The following IL1RAPL1 variants were observed in gnomAD, a reference collection of about 807,000 sequenced individuals.
IL1RAPL1 encodes the protein interleukin 1 receptor accessory protein like 1.
Under a neutral mutation model 48.4 loss-of-function variants are expected in IL1RAPL1, and 3 were observed. The ratio of observed to expected loss-of-function variants is 0.06; its 90% CI spans 0.03 to 0.16. The LOEUF (loss-of-function observed/expected upper bound fraction) is 0.16, where lower values mean the gene tolerates loss of function less well. Among genes scored for constraint, IL1RAPL1 ranks in the 10% least tolerant of loss-of-function variants. The pLI, the probability that IL1RAPL1 is intolerant of heterozygous loss-of-function variation, is 1.00. For synonymous variants in IL1RAPL1, 185 were observed against 187.7 expected (o/e 0.99, Z 0.12); for missense variants, 349 against 530.6 (o/e 0.66, Z 3.36).
intron 2 of IL1RAPL1, among the ~76,000 whole-genome samples, chrX:29,209,942 T>A (rs910676218): frequency 8.9e-6 from 1 of 111,950 alleles, no homozygotes; most frequent in Admixed American, 9.6e-5. Context: ...TTTCTCTAGC[T>A]GCAGTGAAGG....
chrX:29,338,898 G>T (rs942460920), intron 3 of IL1RAPL1, among the ~76,000 whole-genome samples: 2 of 110,778 alleles, frequency 1.8e-5, no homozygotes, highest in Non-Finnish European at 3.8e-5. Flanking sequence ...TGATTTTGAT[G>T]ACATGCTTTG....
chrX:29,921,560 A>G (rs1932848403), intron 8 of IL1RAPL1, among the ~76,000 whole-genome samples: 1 of 112,262 alleles, frequency 8.9e-6, no homozygotes, highest in African/African-American at 3.2e-5. Flanking sequence ...ATAGCCAATC[A>G]AGGAAGAGAT....
At chrX:28,960,272 G>T (rs771700936) in intron 2 of IL1RAPL1, among the ~76,000 whole-genome samples, 104 of 111,282 alleles carry the variant, frequency 9.3e-4, no homozygotes, top group Non-Finnish European at 1.3e-3. Flanking sequence ...ATGACGTCAT[G>T]ATAAGTTCAA....
chrX:29,082,179 C>T (rs1236305413), intron 2 of IL1RAPL1, among the ~76,000 whole-genome samples: 1 of 111,679 alleles, frequency 9.0e-6, no homozygotes, highest in Non-Finnish European at 1.9e-5. Flanking sequence ...ATGTCACAGC[C>T]GTACATGGAA....
chrX:29,499,478 C>G (rs1935249515), intron 5 of IL1RAPL1, among the ~76,000 whole-genome samples: 1 of 111,577 alleles, frequency 9.0e-6, no homozygotes, highest in Non-Finnish European at 1.9e-5. Flanking sequence ...TGGATCCCCT[C>G]CTAGAACTGT....
At chrX:29,348,435 C>A (rs1339438546) in intron 3 of IL1RAPL1, among the ~76,000 whole-genome samples, 1 of 112,071 alleles carries the variant, frequency 8.9e-6, no homozygotes, top group Non-Finnish European at 1.9e-5. Context: ...TGGATCATAT[C>A]TGGGTGTAAG....
At chrX:29,023,535 C>T (rs1926417539) in intron 2 of IL1RAPL1, among the ~76,000 whole-genome samples, 1 of 112,514 alleles carries the variant, frequency 8.9e-6, no homozygotes, top group Non-Finnish European at 1.9e-5. Flanking sequence ...ACATTCAACT[C>T]TATTTTTTCC....
chrX:29,252,463 G>C (rs1202743292), intron 2 of IL1RAPL1, among the ~76,000 whole-genome samples: 1 of 113,938 alleles, frequency 8.8e-6, no homozygotes, highest in African/African-American at 3.2e-5. Context: ...AAGCAAGCAA[G>C]TATACCAATT....
At chrX:29,232,783 ATTTTTATTTTTTTTTACT>A (rs1306734716) in intron 2 of IL1RAPL1, among the ~76,000 whole-genome samples, 2 of 111,129 alleles carry the variant, frequency 1.8e-5, no homozygotes, top group South Asian at 3.7e-4. Flanking sequence ...GAAGCATTTT[ATTTTTATTTTTTTTTACT>A]TTTTTATTTT....
intron 1 of IL1RAPL1, among the ~76,000 whole-genome samples, chrX:28,765,300 A>T (rs76897390): frequency 9.2e-6 from 1 of 109,085 alleles, no homozygotes; most frequent in East Asian, 2.9e-4. Context: ...CTTAAAGTAT[A>T]AAAAAAAAAT....
intron 1 of IL1RAPL1, among the ~76,000 whole-genome samples, chrX:28,656,883 G>A (rs940375766): frequency 4.6e-5 from 5 of 109,319 alleles, no homozygotes; most frequent in African/African-American, 1.0e-4. Context: ...AAAATTAGCC[G>A]GGCGTGGTGG....
chrX:29,492,323 C>T (rs926011292), intron 5 of IL1RAPL1, among the ~76,000 whole-genome samples: 1 of 112,090 alleles, frequency 8.9e-6, no homozygotes, highest in African/African-American at 3.2e-5. Flanking sequence ...TTTATTGCTG[C>T]CGTAATAAAT....
intron 3 of IL1RAPL1, among the ~76,000 whole-genome samples, chrX:29,342,140 G>T (rs763498894): frequency 0.033 from 3,427 of 102,572 alleles, 137 homozygotes; most frequent in African/African-American, 0.12. Flanking sequence ...GTGTGTGTGT[G>T]TGTGTGTGTG....
At chrX:29,558,732 A>G (rs1372119923) in intron 5 of IL1RAPL1, among the ~76,000 whole-genome samples, 1 of 111,725 alleles carries the variant, frequency 9.0e-6, no homozygotes, top group Admixed American at 9.5e-5. Flanking sequence ...ATAAGGGTCC[A>G]ATTTTATTTT....
At chrX:28,615,038 G>C (rs1343255364) in intron 1 of IL1RAPL1, among the ~76,000 whole-genome samples, 2 of 109,045 alleles carry the variant, frequency 1.8e-5, no homozygotes, top group East Asian at 5.7e-4. Flanking sequence ...ACAGGTGCCC[G>C]CCACCACGCC....
At chrX:29,949,056 T>G (rs1933265170) in intron 9 of IL1RAPL1, among the ~76,000 whole-genome samples, 1 of 111,891 alleles carries the variant, frequency 8.9e-6, no homozygotes, top group African/African-American at 3.2e-5. Context: ...TGTGTTATTC[T>G]AAAATAATCC....
intron 6 of IL1RAPL1, among the ~76,000 whole-genome samples, chrX:29,853,326 CGAAAAAAA>C (rs1003179937): frequency 3.1e-4 from 33 of 107,593 alleles, no homozygotes; most frequent in African/African-American, 1.1e-3. Flanking sequence ...AACCCAGTCT[CGAAAAAAA>C]GAAAAAAAGA....
intron 2 of IL1RAPL1, among the ~76,000 whole-genome samples, chrX:29,217,301 C>G (rs561758943): frequency 1.8e-5 from 2 of 112,184 alleles, no homozygotes; most frequent in South Asian, 7.4e-4. Flanking sequence ...AAAATCACTG[C>G]CTTAGATTCC....
chrX:29,152,597 GT>G (rs754610365), intron 2 of IL1RAPL1, among the ~76,000 whole-genome samples: 1 of 112,058 alleles, frequency 8.9e-6, no homozygotes, highest in Admixed American at 9.5e-5. Context: ...CCTAATGGAT[GT>G]TTTTGGACTC....
Sources: allele counts gnomAD v4.1 joint callset (sites outside exome capture counted in the v4.1 genomes callset), GRCh38; gene constraint gnomAD v4.1.1; transcripts MANE v1.5; gene names NCBI Gene and HGNC (gene_info 2026-07-23, HGNC 2026-07-21).